DMD: variants seen among roughly 807,000 people sequenced by gnomAD.
The protein encoded by DMD is dystrophin, also known as mutant dystrophin.
DMD carries 63 observed loss-of-function variants against 330.1 expected under a neutral mutation model. That is an observed-to-expected ratio of 0.19 (90% confidence interval 0.16 to 0.24). The LOEUF is 0.24. Among genes scored for constraint, DMD ranks in the 10% least tolerant of loss-of-function variants. The probability of loss-of-function intolerance (pLI) is 1.00; values close to 1 mark genes in which losing one functional copy is unlikely to be tolerated. For synonymous variants in DMD, 1,223 were observed against 959.8 expected (o/e 1.27, Z -5.07); for missense variants, 3,344 against 2,684.1 (o/e 1.25, Z -5.43).
chrX:31,915,350 T>C (rs902964634), intron 47 of DMD, among the ~76,000 whole-genome samples: 7 of 112,163 alleles, frequency 6.2e-5, no homozygotes, highest in African/African-American at 1.9e-4. Flanking sequence ...TGTTCCTTTT[T>C]AGAGCAGAGA....
intron 42 of DMD, among the ~76,000 whole-genome samples, chrX:32,295,410 T>A (rs2097491485): frequency 8.9e-6 from 1 of 112,171 alleles, no homozygotes; most frequent in South Asian, 3.6e-4. Flanking sequence ...AAAGCAGAAA[T>A]CTATAAGCCA....
intron 25 of DMD, among the ~76,000 whole-genome samples, chrX:32,463,044 T>G (rs1436190477): frequency 8.9e-6 from 1 of 112,091 alleles, no homozygotes; most frequent in African/African-American, 3.2e-5. Context: ...TTTATCCTAT[T>G]TCTACATACA....
intron 51 of DMD, among the ~76,000 whole-genome samples, chrX:31,745,851 A>G (rs1363139563): frequency 8.9e-6 from 1 of 112,422 alleles, no homozygotes; most frequent in Non-Finnish European, 1.9e-5. Context: ...GAAGAAATTG[A>G]GATCTCTCTG....
intron 2 of DMD, among the ~76,000 whole-genome samples, chrX:32,870,564 A>G (rs948243509): frequency 8.9e-6 from 1 of 111,807 alleles, no homozygotes; most frequent in Admixed American, 9.5e-5. Flanking sequence ...ACTGGTAGAA[A>G]AACAGACACA....
At chrX:31,285,467 TCTGA>T (rs985589719) in intron 62 of DMD, among the ~76,000 whole-genome samples, 3 of 112,325 alleles carry the variant, frequency 2.7e-5, no homozygotes, top group Admixed American at 9.4e-5. Flanking sequence ...TGCTCCCAAA[TCTGA>T]CTATTTAAAA....
chrX:31,997,370 C>A (rs1382465733), intron 44 of DMD, among the ~76,000 whole-genome samples: 4 of 109,694 alleles, frequency 3.6e-5, no homozygotes, highest in Admixed American at 2.0e-4. Context: ...AGGTCTCGCA[C>A]CAGAAAAATC....
At chrX:31,472,264 T>C (rs1488858884) in intron 59 of DMD, among the ~76,000 whole-genome samples, 2 of 112,278 alleles carry the variant, frequency 1.8e-5, no homozygotes, top group Non-Finnish European at 3.8e-5. Flanking sequence ...GATCGCCCTG[T>C]TCATGTTGGT....
At chrX:32,917,168 C>T (rs745873320) in intron 2 of DMD, among the ~76,000 whole-genome samples, 18 of 100,689 alleles carry the variant, frequency 1.8e-4, no homozygotes, top group South Asian at 5.2e-4. Flanking sequence ...TTCCCCCCCC[C>T]CCACATCCCC....
intron 1 of DMD, among the ~76,000 whole-genome samples, chrX:33,194,252 CAG>C (rs2050806060): frequency 9.1e-6 from 1 of 110,064 alleles, no homozygotes; most frequent in East Asian, 2.8e-4. Context: ...ATTTCTCAAT[CAG>C]AGTCTATATT....
chrX:31,468,450 G>A (rs1260253166), intron 59 of DMD, among the ~76,000 whole-genome samples: 1 of 112,151 alleles, frequency 8.9e-6, no homozygotes, highest in Non-Finnish European at 1.9e-5. Context: ...GGAGCAGGTT[G>A]CTCAGTTTCC....
intron 52 of DMD, among the ~76,000 whole-genome samples, chrX:31,681,859 G>A (rs1170507164): frequency 8.9e-6 from 1 of 112,732 alleles, no homozygotes; most frequent in Non-Finnish European, 1.9e-5. Flanking sequence ...TCTCTGGGAG[G>A]CCAAAGCGGG....
intron 39 of DMD, among the ~76,000 whole-genome samples, chrX:32,343,693 A>G (rs968998600): frequency 1.1e-4 from 12 of 111,847 alleles, no homozygotes; most frequent in East Asian, 2.8e-4. Context: ...TCTAAAATGT[A>G]TATCTTTAGC....
chrX:31,245,601 G>C (rs1182411858), intron 63 of DMD, among the ~76,000 whole-genome samples: 1 of 112,083 alleles, frequency 8.9e-6, no homozygotes, highest in Admixed American at 9.5e-5. Flanking sequence ...TTTTCCAGCA[G>C]CATGTGCTCA....
chrX:31,572,872 T>C (rs1437148188), intron 55 of DMD, among the ~76,000 whole-genome samples: 1 of 112,239 alleles, frequency 8.9e-6, no homozygotes, highest in Non-Finnish European at 1.9e-5. Flanking sequence ...AACTCCTCCA[T>C]TCTCTGCATA....
At chrX:32,294,431 G>T (rs909238920) in intron 42 of DMD, among the ~76,000 whole-genome samples, 11 of 111,636 alleles carry the variant, frequency 9.9e-5, no homozygotes, top group Non-Finnish European at 1.7e-4. Flanking sequence ...GTGTTTGTGC[G>T]TATGTGTGTG....
chrX:31,268,535 G>C (rs955259711), intron 62 of DMD, among the ~76,000 whole-genome samples: 1 of 111,392 alleles, frequency 9.0e-6, no homozygotes, highest in Admixed American at 9.5e-5. Flanking sequence ...CTGCTATTAC[G>C]GTCTGAGGGG....
intron 1 of DMD, among the ~76,000 whole-genome samples, chrX:33,115,383 C>A (rs1159753283): frequency 1.8e-5 from 2 of 110,468 alleles, no homozygotes; most frequent in African/African-American, 6.6e-5. Context: ...TTTTTTCTTT[C>A]AATGTAAGCC....
intron 44 of DMD, among the ~76,000 whole-genome samples, chrX:32,162,194 G>A (rs1354605041): frequency 9.0e-6 from 1 of 111,313 alleles, no homozygotes; most frequent in Non-Finnish European, 1.9e-5. Context: ...AAAAAAGAAA[G>A]AAGGAAAACA....
chrX:31,883,810 T>C (rs985796686), intron 47 of DMD, among the ~76,000 whole-genome samples: 1 of 110,791 alleles, frequency 9.0e-6, no homozygotes, highest in Non-Finnish European at 1.9e-5. Flanking sequence ...ATTTTACATA[T>C]CAGTATCGAC....
Sources: allele counts gnomAD v4.1 joint callset (sites outside exome capture counted in the v4.1 genomes callset), GRCh38; gene constraint gnomAD v4.1.1; transcripts MANE v1.5; gene names NCBI Gene and HGNC (gene_info 2026-07-23, HGNC 2026-07-21).